Variants in RPAP3 observed in about 807,000 individuals in gnomAD.
RPAP3 encodes RNA polymerase II associated protein 3.
In RPAP3, 58 loss-of-function variants were observed where a neutral mutation model predicts 88.8. The ratio of observed to expected loss-of-function variants is 0.65; its 90% CI spans 0.53 to 0.81. The LOEUF (loss-of-function observed/expected upper bound fraction) is 0.81, where lower values mean the gene tolerates loss of function less well. RPAP3 is among the 40% of genes least tolerant of loss of function. The pLI, the probability that RPAP3 is intolerant of heterozygous loss-of-function variation, is 0.00. For missense variants in RPAP3, 751 were observed against 764.3 expected, an observed-to-expected ratio of 0.98 and a Z score of 0.20; for synonymous variants, 255 against 259.9, an observed-to-expected ratio of 0.98 and a Z score of 0.18.
At chr12:47,667,568 G>T (rs7311663) in intron 15 of RPAP3, among the ~76,000 whole-genome samples, 186 bp downstream of exon 15, 59,620 of 151,844 alleles carry the variant, frequency 0.39, 12,042 homozygotes, top group Middle Eastern at 0.5. Flanking sequence ...AATAGGTTCA[G>T]GAAAACTGTG....
At chr12:47,677,100 A>G (rs1939131211) in intron 12 of RPAP3, among the ~76,000 whole-genome samples, 1 of 152,204 alleles carries the variant, frequency 6.6e-6, no homozygotes, top group South Asian at 2.1e-4. Flanking sequence ...ATGCAAATCA[A>G]TAAACGTAAT....
At chr12:47,691,348 T>C (rs539299074) in intron 5 of RPAP3, among the ~76,000 whole-genome samples, 17 of 152,308 alleles carry the variant, frequency 1.1e-4, no homozygotes, top group African/African-American at 3.8e-4. Flanking sequence ...ATTGCAGCAA[T>C]TCGGTGACAT....
intron 1 of RPAP3, among the ~76,000 whole-genome samples, chr12:47,704,670 G>T (rs1269196091): frequency 6.6e-6 from 1 of 151,404 alleles, no homozygotes; most frequent in Non-Finnish European, 1.5e-5. Flanking sequence ...GAGCCACCGC[G>T]CCTGACCTCT....
At chr12:47,697,058 A>G (rs892391128) in intron 4 of RPAP3, among the ~76,000 whole-genome samples, 2 of 152,258 alleles carry the variant, frequency 1.3e-5, no homozygotes, top group Admixed American at 6.5e-5. Flanking sequence ...ACCAAAAAAA[A>G]GCATCAAGAG....
intron 12 of RPAP3, 54 bp from the exon 13 acceptor site, chr12:47,670,399 T>G: frequency 1.9e-6 from 2 of 1,055,160 alleles, no homozygotes; most frequent in Non-Finnish European, 2.8e-6. Context: ...TTTCCTATTT[T>G]AGGGTCACAA....
At chr12:47,669,596 G>C (rs182609913) in intron 13 of RPAP3, among the ~76,000 whole-genome samples, 1 of 152,232 alleles carries the variant, frequency 6.6e-6, no homozygotes, top group Admixed American at 6.5e-5. Flanking sequence ...GAGTGGCAAT[G>C]TAAAAATATA....
Position 47,667,747 on chromosome 12 carries a change from G to C in RPAP3, c.1811+7C>G, listed in dbSNP as rs781320631. ...CTTACTGTATAACTAAAAAAAACTT[G>C]ACTTACTCAATGTAAAAGTCATGCA... is the stretch of plus-strand genomic sequence containing the variant. On this transcript the variant is annotated splice_region_variant and intron_variant, in intron 15 of 16. Coordinates refer to ENST00000005386, the MANE Select transcript of RPAP3 (RefSeq NM_024604.3). The C allele has an allele frequency of 1.9e-6, 3 of 1,546,650 alleles. No individual in the cohort carries two copies. Among genetic ancestry groups the C allele is most frequent in the Non-Finnish European group, 2.6e-6 (3 of 1,132,394 alleles).
At chr12:47,673,655 G>T (rs1383332768) in intron 12 of RPAP3, among the ~76,000 whole-genome samples, 1 of 151,910 alleles carries the variant, frequency 6.6e-6, no homozygotes, top group East Asian at 1.9e-4. Context: ...TTATGCAAAG[G>T]ATCGTCTATG....
chr12:47,685,683 G>A (rs938569356), intron 9 of RPAP3, among the ~76,000 whole-genome samples: 37 of 152,166 alleles, frequency 2.4e-4, no homozygotes, highest in African/African-American at 8.4e-4. Context: ...ATCAGTACGT[G>A]GAAGATGTGT....
intron 2 of RPAP3, among the ~76,000 whole-genome samples, chr12:47,701,909 C>T (rs1186035287): frequency 6.6e-6 from 1 of 152,142 alleles, no homozygotes; most frequent in Non-Finnish European, 1.5e-5. Flanking sequence ...AGCCTTAGTA[C>T]GATGAACCAG....
chr12:47,676,708 C>G (rs1252495874), intron 12 of RPAP3, among the ~76,000 whole-genome samples: 2 of 152,202 alleles, frequency 1.3e-5, no homozygotes, highest in Non-Finnish European at 2.9e-5. Flanking sequence ...GAAGTTCAAT[C>G]TCTGAATAGA....
At chr12:47,679,801 C>T (rs760250181) in intron 10 of RPAP3, 27 bp from the exon 11 acceptor site, 4 of 1,462,818 alleles carry the variant, frequency 2.7e-6, no homozygotes, top group African/African-American at 2.8e-5. Flanking sequence ...AAAAACATTA[C>T]AACATAGTTA....
At chr12:47,703,467 G>A (rs144142097) in intron 1 of RPAP3, among the ~76,000 whole-genome samples, 1 of 152,280 alleles carries the variant, frequency 6.6e-6, no homozygotes, top group Non-Finnish European at 1.5e-5. Flanking sequence ...TTGTGACAAC[G>A]AAGAATCCCA....
chr12:47,689,570 C>T (rs1484945885), intron 6 of RPAP3, among the ~76,000 whole-genome samples: 1 of 152,150 alleles, frequency 6.6e-6, no homozygotes, highest in Non-Finnish European at 1.5e-5. Context: ...AACTCCTGGC[C>T]TCAAGTAGTC....
chr12:47,671,510 T>C (rs1938997088), intron 12 of RPAP3, among the ~76,000 whole-genome samples: 1 of 152,108 alleles, frequency 6.6e-6, no homozygotes, highest in Admixed American at 6.6e-5. Flanking sequence ...AGCTAAGATA[T>C]GACCCCAATG....
intron 5 of RPAP3, 61 bp downstream of exon 5, chr12:47,696,215 T>A (rs879244717): frequency 1.1e-5 from 15 of 1,331,930 alleles, no homozygotes; most frequent in South Asian, 2.2e-5. Flanking sequence ...CACTTTTTTT[T>A]AATAAGTCTC....
chr12:47,674,438 T>TA (rs1203892674), intron 12 of RPAP3, among the ~76,000 whole-genome samples: 4 of 152,064 alleles, frequency 2.6e-5, no homozygotes, highest in Admixed American at 6.6e-5. Flanking sequence ...AGGTCCGTAA[T>TA]ACAAACTTCT....
intron 12 of RPAP3, among the ~76,000 whole-genome samples, chr12:47,671,956 C>T (rs1486892074): frequency 1.3e-5 from 2 of 149,632 alleles, no homozygotes; most frequent in African/African-American, 2.5e-5. Flanking sequence ...GACTCGGAAG[C>T]GTAACATTTT....
rs1939592763 is a variant in RPAP3, at chr12:47,699,000, A to G, written c.295-1281T>C. ...AATTTAGCTATGTGTTTTAGCATGA[A>G]GATTCTAGAAATACCACCAGCCTAC... is the stretch of plus-strand genomic sequence containing the variant. On this transcript the variant is annotated intron_variant, in intron 3 of 16. Coordinates refer to ENST00000005386, the MANE Select transcript of RPAP3 (RefSeq NM_024604.3). Among the ~76,000 whole-genome samples, 10 of 152,240 alleles carry G rather than the reference A, an allele frequency of 6.6e-5. 1 individual carries two copies. In the South Asian group the frequency reaches 2.1e-3, roughly 32 times the overall value.
Sources: gnomAD v4.1 joint callset for allele counts (sites outside exome capture counted in the v4.1 genomes callset) on GRCh38, gnomAD v4.1.1 for gene constraint, MANE v1.5 for transcripts, NCBI Gene and HGNC (gene_info 2026-07-23, HGNC 2026-07-21) for gene names.